MVB12B: variants seen among roughly 807,000 people sequenced by gnomAD.
MVB12B encodes ESCRT-I complex subunit MVB12B.
MVB12B carries 16 observed loss-of-function variants against 41.6 expected under a neutral mutation model. That is an observed-to-expected ratio of 0.38 (90% CI 0.26 to 0.58). The LOEUF is 0.58. MVB12B is among the 20% of genes least tolerant of loss of function. MVB12B has a pLI of 0.62. For synonymous variants in MVB12B, 133 were observed against 139.7 expected, an observed-to-expected ratio of 0.95 and a Z score of 0.34; for missense variants, 274 against 380.2, an observed-to-expected ratio of 0.72 and a Z score of 2.32.
At chr9:126,365,041 C>T (rs1182880442) in intron 2 of MVB12B, among the ~76,000 whole-genome samples, 8 of 144,608 alleles carry the variant, frequency 5.5e-5, no homozygotes, top group African/African-American at 1.8e-4. Context: ...CGTGAGCCAC[C>T]GCGCCTGGCC....
In MVB12B at chr9:126,392,765, A is replaced by C. The variant is rs536504565; in HGVS notation, c.539+570A>C. Among the ~76,000 whole-genome samples the C allele has an allele frequency of 8.3e-4, 127 of 152,256 alleles. No homozygotes were observed. The highest frequency in any genetic ancestry group is 1.7e-3 in the Non-Finnish European group (114 of 68,040). ...GAATGTCAGGAAACCAGCCATGCAC[A>C]GATGTGAAGGCATAGTCTTTGAGGC... On this transcript the variant is annotated intron_variant, in intron 5 of 9. Coordinates refer to ENST00000361171, the MANE Select transcript of MVB12B (RefSeq NM_033446.3). This position sits in a 1 kb window ranked among gnomAD's most constrained non-coding sequence, Gnocchi z 4.8.
chr9:126,488,934 A>G (rs4836545), intron 9 of MVB12B, among the ~76,000 whole-genome samples: 20,800 of 152,228 alleles, frequency 0.14, 2,057 homozygotes, highest in East Asian at 0.5. Context: ...GGTTAGGGAC[A>G]TGGGCAGCCA....
Position 126,396,099 on chromosome 9 carries a change from T to C in MVB12B, c.662+402T>C, listed in dbSNP as rs1057470214. The C allele has an allele frequency of 1.2e-5, 12 of 996,832 alleles. No homozygotes were observed. The African/African-American group carries it at 1.9e-4, about 16-fold the overall frequency. 61.7% of individuals were successfully genotyped at this position (996,832 alleles called of 1,614,324 possible). A position where few individuals can be genotyped will look rare whatever the true frequency, so the allele number is the denominator to read the frequency against. ...ACCCAGGAGGGTAGGTGAGTTCTTA[T>C]ATTCTTCATTTTCATATAATTTCTT... On this transcript the variant is annotated intron_variant, in intron 6 of 9. Transcript: ENST00000361171.
At chr9:126,465,985 T>C (rs1833191498) in intron 7 of MVB12B, among the ~76,000 whole-genome samples, 1 of 152,164 alleles carries the variant, frequency 6.6e-6, no homozygotes, top group African/African-American at 2.4e-5. Context: ...AGTATAAAGA[T>C]ACAAAGAGAG....
chr9:126,382,159 G>C (rs1830655104), intron 3 of MVB12B, among the ~76,000 whole-genome samples: 1 of 151,274 alleles, frequency 6.6e-6, no homozygotes, highest in African/African-American at 2.4e-5. Flanking sequence ...ATGAAAGGGG[G>C]AGAGCATTAG....
intron 9 of MVB12B, among the ~76,000 whole-genome samples, chr9:126,490,044 A>G (rs536975827): frequency 2.4e-4 from 36 of 152,276 alleles, no homozygotes; most frequent in African/African-American, 8.7e-4. Flanking sequence ...CAGAGCCTGG[A>G]AAGTGTAATT....
intron 7 of MVB12B, among the ~76,000 whole-genome samples, chr9:126,448,740 T>TG (rs1286060424): frequency 1.3e-5 from 2 of 152,000 alleles, no homozygotes; most frequent in Non-Finnish European, 2.9e-5. Flanking sequence ...GGTGAATTAA[T>TG]GGGGCAAGAA....
At chr9:126,464,374 A>G (rs1311928396) in intron 7 of MVB12B, among the ~76,000 whole-genome samples, 3 of 152,230 alleles carry the variant, frequency 2.0e-5, no homozygotes, top group Non-Finnish European at 4.4e-5. Context: ...GAATAGCTAA[A>G]TCCTAAAGTG....
At chr9:126,343,047 G>A (rs1829491819) in intron 2 of MVB12B, among the ~76,000 whole-genome samples, 1 of 152,226 alleles carries the variant, frequency 6.6e-6, no homozygotes, top group African/African-American at 2.4e-5. Context: ...TAGCACAACT[G>A]CTTTAAAATG....
chr9:126,394,384 C>G (rs1219515317), intron 5 of MVB12B, among the ~76,000 whole-genome samples: 1 of 152,030 alleles, frequency 6.6e-6, no homozygotes, highest in African/African-American at 2.4e-5. Context: ...CAGTATGTAC[C>G]TTGATAAAAC....
At chr9:126,379,887 G>T (rs1830587660) in intron 2 of MVB12B, among the ~76,000 whole-genome samples, 1 of 152,186 alleles carries the variant, frequency 6.6e-6, no homozygotes, top group Admixed American at 6.5e-5. Context: ...TGCAGTCAGT[G>T]TGTGGGATGG....
intron 7 of MVB12B, among the ~76,000 whole-genome samples, chr9:126,445,904 T>C (rs1018247801): frequency 6.6e-6 from 1 of 152,172 alleles, no homozygotes; most frequent in Non-Finnish European, 1.5e-5. Flanking sequence ...GACAACATCA[T>C]CTGCAAATAC....
At chr9:126,483,092 G>A (rs144815209) in intron 8 of MVB12B, among the ~76,000 whole-genome samples, 23 of 152,334 alleles carry the variant, frequency 1.5e-4, no homozygotes, top group African/African-American at 5.3e-4. Flanking sequence ...AGGACCATGC[G>A]GGCCCTGGGG....
intron 7 of MVB12B, among the ~76,000 whole-genome samples, chr9:126,446,999 C>T (rs1231270567): frequency 7.5e-6 from 1 of 133,160 alleles, no homozygotes; most frequent in East Asian, 2.3e-4. Context: ...GGCTGGAGTG[C>T]AATGGTGCCA....
At chr9:126,332,652 C>G (rs1422979248) in intron 1 of MVB12B, among the ~76,000 whole-genome samples, 3 of 152,196 alleles carry the variant, frequency 2.0e-5, no homozygotes, top group Admixed American at 6.5e-5. Flanking sequence ...TGGAAGGGGT[C>G]TGACAGCTCT....
intron 3 of MVB12B, among the ~76,000 whole-genome samples, chr9:126,383,850 T>C (rs897806023): frequency 5.9e-5 from 9 of 151,986 alleles, no homozygotes; most frequent in African/African-American, 1.9e-4. Context: ...CAAGGGTTTT[T>C]TGATGCTTTG....
intron 6 of MVB12B, among the ~76,000 whole-genome samples, chr9:126,410,141 T>TTTTG (rs1554775536): frequency 6.7e-6 from 1 of 148,472 alleles, no homozygotes; most frequent in African/African-American, 2.5e-5. Context: ...TGATTTGGTT[T>TTTTG]TGTGTGTGTG....
Position 126,503,563 on chromosome 9 carries a change from C to T in MVB12B, c.*300C>T, listed in dbSNP as rs1174803154. 1.3e-4 allele frequency: 57 copies of T among 439,878 alleles called. 2 individuals are homozygous for T. Among genetic ancestry groups the T allele is most frequent in the South Asian group, 1.6e-4 (5 of 31,088 alleles). The allele number at this position is 439,878 out of a possible 1,614,324, so 27.2% of individuals were successfully genotyped here. A position where few individuals can be genotyped will look rare whatever the true frequency, so the allele number is the denominator to read the frequency against. ...TGTCCTCCAAAAACCTCACTCACCA[C>T]GGAGTCACCCTGAGGGCCCCGGGCA... On this transcript the variant is annotated 3_prime_UTR_variant, in exon 10 of 10. Coordinates refer to ENST00000361171, the MANE Select transcript of MVB12B (RefSeq NM_033446.3).
chr9:126,493,496 A>G (rs1482847486), intron 9 of MVB12B, among the ~76,000 whole-genome samples: 2 of 152,066 alleles, frequency 1.3e-5, no homozygotes, highest in Non-Finnish European at 2.9e-5. Context: ...TTCCCCCAGA[A>G]CTTTACTAAT....
Sources: allele counts gnomAD v4.1 joint callset (sites outside exome capture counted in the v4.1 genomes callset), GRCh38; gene constraint gnomAD v4.1.1; non-coding constraint Gnocchi (gnomAD v3.1); transcripts MANE v1.5; gene names NCBI Gene and HGNC (gene_info 2026-07-23, HGNC 2026-07-21).